RNF152: variants seen among roughly 807,000 people sequenced by gnomAD.
RNF152 encodes ring finger protein 152, also known as E3 ubiquitin-protein ligase RNF152.
In RNF152, 11 loss-of-function variants were observed where a neutral mutation model predicts 12.7. The ratio of observed to expected loss-of-function variants is 0.86; its 90% confidence interval spans 0.54 to 1.43. The LOEUF (loss-of-function observed/expected upper bound fraction) is 1.43. RNF152 is among the 40% of genes most tolerant of loss of function. RNF152 has a pLI of 0.00. For missense variants in RNF152, 255 were observed against 274.8 expected (o/e 0.93, Z 0.51); for synonymous variants, 113 against 120.3 (o/e 0.94, Z 0.40).
chr18:61,873,149 G>C (rs1398949883), intron 1 of RNF152, among the ~76,000 whole-genome samples: 1 of 152,090 alleles, frequency 6.6e-6, no homozygotes, highest in African/African-American at 2.4e-5. Context: ...AAAAAATACA[G>C]GGCAAAGACA....
chr18:61,840,149 A>C (rs918078393), intron 1 of RNF152, among the ~76,000 whole-genome samples: 3 of 152,316 alleles, frequency 2.0e-5, no homozygotes, highest in Non-Finnish European at 2.9e-5. Context: ...CTCATGTGAG[A>C]ACACAGCAAG....
At chr18:61,871,137 T>G (rs1911973753) in intron 1 of RNF152, among the ~76,000 whole-genome samples, 1 of 151,834 alleles carries the variant, frequency 6.6e-6, no homozygotes, top group Admixed American at 6.6e-5. Context: ...CATGTTACCT[T>G]CACAAGGGCA....
intron 1 of RNF152, among the ~76,000 whole-genome samples, chr18:61,828,062 G>A (rs1427423984): frequency 6.6e-6 from 1 of 152,208 alleles, no homozygotes; most frequent in African/African-American, 2.4e-5. Flanking sequence ...CATATGTTCA[G>A]TGTACAGTTC....
intron 1 of RNF152, among the ~76,000 whole-genome samples, chr18:61,863,820 A>T (rs1480433020): frequency 6.6e-6 from 1 of 152,204 alleles, no homozygotes; most frequent in African/African-American, 2.4e-5. Context: ...AGAGTAAGGA[A>T]GTCAGAGCCA....
rs985802771 is a variant in RNF152 at position 61,810,592 on chromosome 18, G to A, written c.*5260C>T. ...GAACCTGGGAGGCGGAGGTTGCAGT[G>A]AGCTGAGATCATGCCATTGCACTCT... On this transcript the variant is annotated 3_prime_UTR_variant, in exon 2 of 2. Transcript: ENST00000312828. 5 of 152,284 alleles carry A rather than the reference G, an allele frequency of 3.3e-5. No individual in the cohort carries two copies. Among genetic ancestry groups the A allele is most frequent in the Non-Finnish European group, 7.3e-5 (5 of 68,138 alleles). The allele number at this position is 152,284 out of a possible 1,614,324, so 9.4% of individuals were successfully genotyped here.
rs1218319101 is a variant in RNF152, at chr18:61,814,050, C to T, written c.*1802G>A. 6.6e-6 allele frequency: 1 copy of T among 152,124 alleles called. No homozygotes were observed. The highest frequency in any genetic ancestry group is 1.5e-5 in the Non-Finnish European group (1 of 68,024). 9.4% of individuals were successfully genotyped at this position (152,124 alleles called of 1,614,324 possible). A position where few individuals can be genotyped will look rare whatever the true frequency, so the allele number is the denominator to read the frequency against. On this transcript the variant is annotated 3_prime_UTR_variant, in exon 2 of 2. Transcript: ENST00000312828. ...CTATTTTGAGCTTTCAAATACATTT[C>T]CTAAAGGTTTTATGATCAATTTGAA...
chr18:61,851,090 T>TAAAAA (rs529714042), intron 1 of RNF152, among the ~76,000 whole-genome samples: 5 of 126,400 alleles, frequency 4.0e-5, no homozygotes, highest in African/African-American at 1.5e-4. Flanking sequence ...CCACAATGAT[T>TAAAAA]AAAAAAAAAA....
intron 1 of RNF152, among the ~76,000 whole-genome samples, chr18:61,874,762 T>A (rs553753720): frequency 6.6e-6 from 1 of 152,296 alleles, no homozygotes; most frequent in South Asian, 2.1e-4. Context: ...CTAAGCATAG[T>A]GGGGTATCTA....
At chr18:61,864,210 C>T (rs1911628485) in intron 1 of RNF152, among the ~76,000 whole-genome samples, 1 of 152,156 alleles carries the variant, frequency 6.6e-6, no homozygotes, top group Non-Finnish European at 1.5e-5. Flanking sequence ...CACAAGTCTG[C>T]CCCCATTTCA....
chr18:61,830,228 T>C (rs1025524402), intron 1 of RNF152, among the ~76,000 whole-genome samples: 5 of 151,990 alleles, frequency 3.3e-5, no homozygotes, highest in Non-Finnish European at 7.4e-5. Flanking sequence ...TGTCTTGGTA[T>C]TTGGCCAGGC....
At chr18:61,888,042 G>A (rs1251911756) in intron 1 of RNF152, 2 of 152,342 alleles carry the variant, frequency 1.3e-5, no homozygotes, top group African/African-American at 4.8e-5. Context: ...TCTATGTGAT[G>A]TTTGAGTAAG....
At chr18:61,864,871 T>C (rs1405678903) in intron 1 of RNF152, among the ~76,000 whole-genome samples, 2 of 152,136 alleles carry the variant, frequency 1.3e-5, no homozygotes, top group African/African-American at 2.4e-5. Flanking sequence ...ATACAAAAAA[T>C]TAGCCAGGCG....
chr18:61,840,486 C>A (rs1910401281), intron 1 of RNF152, among the ~76,000 whole-genome samples: 1 of 152,174 alleles, frequency 6.6e-6, no homozygotes, highest in Non-Finnish European at 1.5e-5. Context: ...GGTCCTTCTT[C>A]TCTTCACATT....
chr18:61,876,679 G>A (rs1912227614), intron 1 of RNF152, among the ~76,000 whole-genome samples: 1 of 152,156 alleles, frequency 6.6e-6, no homozygotes, highest in South Asian at 2.1e-4. Context: ...CCTCAGGAAA[G>A]TCATTTAGGC....
In RNF152 at chr18:61,848,105, C is replaced by T. The variant is rs75379469; in HGVS notation, c.-135-31507G>A. The stretch of plus-strand genomic sequence containing the variant: ...TGTGTGTTTCATTTGGGGCTGCATT[C>T]CCAGCATCTAGAACTGTGCCTGGCA... On this transcript the variant is annotated intron_variant, in intron 1 of 1. Coordinates refer to ENST00000312828, the MANE Select transcript of RNF152 (RefSeq NM_173557.3). Among the ~76,000 whole-genome samples the T allele has an allele frequency of 8.3e-3, 1,259 of 152,198 alleles. 19 individuals are homozygous for T. The highest frequency in any genetic ancestry group is 0.029 in the African/African-American group (1,197 of 41,482).
chr18:61,827,249 C>A (rs1453554101), intron 1 of RNF152, among the ~76,000 whole-genome samples: 3 of 152,232 alleles, frequency 2.0e-5, no homozygotes, highest in Admixed American at 2.0e-4. Flanking sequence ...TCACTCTACA[C>A]AGCAGTATCA....
Position 61,813,294 on chromosome 18 carries a change from A to C in RNF152, c.*2558T>G, listed in dbSNP as rs1453517663. 1.3e-5 allele frequency: 2 copies of C among 151,524 alleles called. No homozygotes were observed. The highest frequency in any genetic ancestry group is 1.3e-4 in the Admixed American group (2 of 15,194). The allele number at this position is 151,524 out of a possible 1,614,324, so 9.4% of individuals were successfully genotyped here. On this transcript the variant is annotated 3_prime_UTR_variant, in exon 2 of 2. Coordinates refer to ENST00000312828, the MANE Select transcript of RNF152 (RefSeq NM_173557.3). ...CTCTCTCTCTCACACACACACACAC[A>C]CACACACACACACACACACACATAC... is the stretch of plus-strand genomic sequence containing the variant.
intron 1 of RNF152, among the ~76,000 whole-genome samples, chr18:61,869,090 C>T (rs914115833): frequency 1.3e-5 from 2 of 152,070 alleles, no homozygotes; most frequent in African/African-American, 4.8e-5. Context: ...GAGGTAATCT[C>T]GATTGTTATA....
rs1305114813 is a variant in RNF152, at chr18:61,815,846, C to T, written c.*6G>A. ...GCACCCACAAGAGACTTCCCTGCAG[C>T]CCTCTTCAGCCACAGGATATCACAG... On this transcript the variant is annotated 3_prime_UTR_variant, in exon 2 of 2. Coordinates refer to ENST00000312828, the MANE Select transcript of RNF152 (RefSeq NM_173557.3). The T allele has an allele frequency of 4.3e-6, 7 of 1,610,870 alleles. No homozygotes were observed. The highest frequency in any genetic ancestry group is 5.9e-6 in the Non-Finnish European group (7 of 1,177,454).
Sources: allele counts gnomAD v4.1 joint callset (sites outside exome capture counted in the v4.1 genomes callset), GRCh38; gene constraint gnomAD v4.1.1; transcripts MANE v1.5; gene names NCBI Gene and HGNC (gene_info 2026-07-23, HGNC 2026-07-21).